The following FBXO7 variants were observed in gnomAD, a reference collection of about 807,000 sequenced individuals.
FBXO7 encodes the protein F-box only protein 7.
In FBXO7, 31 loss-of-function variants were observed where a neutral mutation model predicts 50.2. The ratio of observed to expected loss-of-function variants is 0.62; its 90% CI spans 0.46 to 0.83. FBXO7 has a LOEUF of 0.83. Among genes scored for constraint, FBXO7 ranks in the 40% least tolerant of loss-of-function variants. The probability of loss-of-function intolerance (pLI) is 0.00; values close to 1 mark genes in which losing one functional copy is unlikely to be tolerated. For synonymous variants in FBXO7, 256 were observed against 253.1 expected, an observed-to-expected ratio of 1.01 and a Z score of -0.11; for missense variants, 667 against 646.6, an observed-to-expected ratio of 1.03 and a Z score of -0.34.
intron 5 of FBXO7, chr22:32,488,222 CATTATTGAAG>C (rs1288943492): frequency 5.9e-6 from 1 of 169,820 alleles, no homozygotes; most frequent in Non-Finnish European, 1.3e-5. Context: ...ATGTCAAGTT[CATTATTGAAG>C]ATTATTGGAG....
chr22:32,488,515 C>G (rs1024110565), intron 5 of FBXO7: 1 of 152,266 alleles, frequency 6.6e-6, no homozygotes, highest in Non-Finnish European at 1.5e-5. Flanking sequence ...TGTACTTGTG[C>G]CTGTACATAT....
Position 32,474,859 on chromosome 22 carries a change from T to A in FBXO7, c.-144T>A. On this transcript the variant is annotated 5_prime_UTR_variant, in exon 1 of 9. Coordinates refer to ENST00000266087, the MANE Select transcript of FBXO7 (RefSeq NM_012179.4). ...CAGGGCGGCCACTGTGGCGGGGCTCTTTCCCCGTTTCGCCTCAGCTACCCC... is the reference window on the plus strand; with the variant it reads ...CAGGGCGGCCACTGTGGCGGGGCTCATTCCCCGTTTCGCCTCAGCTACCCC... 1.3e-6 allele frequency: 1 copy of A among 789,546 alleles called. No homozygotes were observed. Among genetic ancestry groups the A allele is most frequent in the Non-Finnish European group, 1.9e-6 (1 of 521,678 alleles). The allele number at this position is 789,546 out of a possible 1,614,324, so 48.9% of individuals were successfully genotyped here.
chr22:32,478,931 G>T (rs779292545), intron 1 of FBXO7, 50 bp from the exon 2 acceptor site: 6 of 1,510,974 alleles, frequency 4.0e-6, no homozygotes, highest in Non-Finnish European at 5.5e-6. Flanking sequence ...TGCTATTGAA[G>T]GTATTAGAAG....
At chr22:32,493,449 T>G (rs534259835) in intron 7 of FBXO7, among the ~76,000 whole-genome samples, 168 bp downstream of exon 7, 1 of 151,680 alleles carries the variant, frequency 6.6e-6, no homozygotes, top group South Asian at 2.1e-4. Flanking sequence ...TCCCTAAAAC[T>G]CTCTCATTTT....
chr22:32,484,280 A>G (rs994014483), intron 3 of FBXO7, among the ~76,000 whole-genome samples, 156 bp downstream of exon 3: 3 of 152,252 alleles, frequency 2.0e-5, no homozygotes, highest in South Asian at 2.1e-4. Context: ...ACATACTCAT[A>G]TATAGGATGC....
Position 32,474,955 on chromosome 22 carries a change from C to G in FBXO7, c.-48C>G. On this transcript the variant is annotated 5_prime_UTR_variant, in exon 1 of 9. Coordinates refer to ENST00000266087, the MANE Select transcript of FBXO7 (RefSeq NM_012179.4). ...GGAGCTGCTCGGCCCCGCCGCCGTC[C>G]CCGTCGCCGCTTCCGGGTCCAGGCC... 2.0e-6 allele frequency: 3 copies of G among 1,506,018 alleles called. No homozygotes were observed. Among genetic ancestry groups the G allele is most frequent in the Non-Finnish European group, 2.7e-6 (3 of 1,131,750 alleles). 93.3% of individuals were successfully genotyped at this position (1,506,018 alleles called of 1,614,324 possible). A position where few individuals can be genotyped will look rare whatever the true frequency, so the allele number is the denominator to read the frequency against.
intron 1 of FBXO7, among the ~76,000 whole-genome samples, chr22:32,476,944 A>T (rs113788095): frequency 3.9e-5 from 6 of 152,328 alleles, no homozygotes; most frequent in African/African-American, 1.4e-4. Context: ...GCGGACCATG[A>T]CCTTTTCTGC....
At chr22:32,496,429 C>T (rs762942672) in intron 8 of FBXO7, among the ~76,000 whole-genome samples, 5 of 152,076 alleles carry the variant, frequency 3.3e-5, no homozygotes, top group Non-Finnish European at 7.4e-5. Flanking sequence ...TTGCAGTGAG[C>T]CAAGATCGCT....
chr22:32,480,245 A>C (rs757378003), intron 2 of FBXO7, among the ~76,000 whole-genome samples: 2 of 152,200 alleles, frequency 1.3e-5, no homozygotes, highest in Non-Finnish European at 2.9e-5. Context: ...TGAAAAAGAC[A>C]ATATATCTCT....
chr22:32,491,396 A>G, intron 6 of FBXO7: 1 of 496,082 alleles, frequency 2.0e-6, no homozygotes, highest in Non-Finnish European at 3.6e-6. Context: ...TCTCTTTTCC[A>G]TGGACTATAA....
chr22:32,492,835 CAT>C lies in FBXO7; in HGVS notation c.968-268_968-267del, dbSNP rs977395386. On this transcript the variant is annotated intron_variant, in intron 6 of 8. Coordinates refer to ENST00000266087, the MANE Select transcript of FBXO7 (RefSeq NM_012179.4). ...CCATTGGCTAGTATTTAGCAATTAT[CAT>C]AGTTATTTGATTTATATTAAAAAGC... The C allele has an allele frequency of 8.3e-6, 4 of 480,232 alleles. No individual in the cohort carries two copies. The East Asian group carries it at 1.6e-4, about 19-fold the overall frequency. 29.7% of individuals were successfully genotyped at this position (480,232 alleles called of 1,614,324 possible).
intron 2 of FBXO7, among the ~76,000 whole-genome samples, chr22:32,482,028 G>GT (rs1466878076): frequency 1.3e-5 from 2 of 152,034 alleles, no homozygotes; most frequent in African/African-American, 4.8e-5. Flanking sequence ...CATGTACTCA[G>GT]CCTAGGGTAC....
intron 1 of FBXO7, chr22:32,478,238 T>C (rs1263625236): frequency 6.6e-6 from 1 of 152,324 alleles, no homozygotes; most frequent in Non-Finnish European, 1.5e-5. Flanking sequence ...GGATTCCAAA[T>C]AGAAGCTATT....
intron 5 of FBXO7, chr22:32,488,331 C>T (rs2057512586): frequency 6.5e-6 from 1 of 153,530 alleles, no homozygotes; most frequent in African/African-American, 2.4e-5. Flanking sequence ...GGTTTGCATT[C>T]TAGGTAAGGT....
rs1014577819 is a variant in FBXO7 at position 32,475,456 on chromosome 22, A to G, written c.122+332A>G. ...GAACCAGGGAGAGGAGGGAACGCAC[A>G]ATTTCCACAACTGGTTAGATTTCAA... On this transcript the variant is annotated intron_variant, in intron 1 of 8. Coordinates refer to ENST00000266087, the MANE Select transcript of FBXO7 (RefSeq NM_012179.4). The G allele has an allele frequency of 1.0e-5, 16 of 1,594,784 alleles. No individual in the cohort carries two copies. The African/African-American group carries it at 2.2e-4, about 22-fold the overall frequency.
At chr22:32,494,817 A>G (rs1293896986) in intron 7 of FBXO7, among the ~76,000 whole-genome samples, 1 of 152,226 alleles carries the variant, frequency 6.6e-6, no homozygotes, top group Non-Finnish European at 1.5e-5. Context: ...ACGGAGCTAG[A>G]GCTTTTATAA....
chr22:32,479,286 A>G lies in FBXO7; in HGVS notation c.417+11A>G. 6.2e-7 allele frequency: 1 copy of G among 1,612,846 alleles called. No individual in the cohort carries two copies. The highest frequency in any genetic ancestry group is 8.5e-7 in the Non-Finnish European group (1 of 1,178,864). On this transcript the variant is annotated intron_variant, in intron 2 of 8. Transcript: ENST00000266087. ...AATGACGACAGTATGGTGGGTATTA[A>G]ACACCAATATATCAAATAGAGTAGG...
chr22:32,480,002 G>A (rs1373064259), intron 2 of FBXO7, among the ~76,000 whole-genome samples: 1 of 152,178 alleles, frequency 6.6e-6, no homozygotes, highest in Non-Finnish European at 1.5e-5. Flanking sequence ...GGAAATATGT[G>A]TGCTCAGTTC....
intron 8 of FBXO7, 122 bp from the exon 9 acceptor site, chr22:32,498,022 C>G: frequency 8.7e-7 from 1 of 1,145,292 alleles, no homozygotes; most frequent in South Asian, 1.4e-5. Context: ...TGGTTTGGGA[C>G]TAAATCCACA....
Sources: gnomAD v4.1 joint callset for allele counts (sites outside exome capture counted in the v4.1 genomes callset) on GRCh38, gnomAD v4.1.1 for gene constraint, MANE v1.5 for transcripts, NCBI Gene and HGNC (gene_info 2026-07-23, HGNC 2026-07-21) for gene names.